CEP63: variants seen among roughly 807,000 people sequenced by gnomAD.
CEP63 encodes the protein centrosomal protein 63.
A neutral mutation model predicts 89.1 loss-of-function variants in CEP63; 84 were observed. The ratio of observed to expected loss-of-function variants is 0.94; its 90% CI spans 0.79 to 1.13. The LOEUF is 1.13. CEP63 is among the 50% of genes most tolerant of loss of function. The pLI is 0.00. For synonymous variants in CEP63, 267 were observed against 272.5 expected, an observed-to-expected ratio of 0.98 and a Z score of 0.20; for missense variants, 838 against 813.3, an observed-to-expected ratio of 1.03 and a Z score of -0.37.
the CEP63 span, among the ~76,000 whole-genome samples, chr3:134,728,670 TA>T: frequency 5.3e-5 from 8 of 152,164 alleles, no homozygotes; most frequent in African/African-American, 1.9e-4. Context: ...CTGCAGGTGT[TA>T]AAAACAGAAG....
At chr3:134,702,951 G>A in the CEP63 span, among the ~76,000 whole-genome samples, 1 of 152,102 alleles carries the variant, frequency 6.6e-6, no homozygotes, top group Non-Finnish European at 1.5e-5. Flanking sequence ...ATTTGACCCA[G>A]CAATCTCATT....
At chr3:134,640,950 G>C in the CEP63 span, among the ~76,000 whole-genome samples, 1 of 152,252 alleles carries the variant, frequency 6.6e-6, no homozygotes, top group East Asian at 1.9e-4. Flanking sequence ...ACTCAGATTA[G>C]AAGCCTCCCA....
chr3:134,546,327 A>C lies in CEP63; in HGVS notation c.929+39A>C, dbSNP rs774992680. 2 of 1,560,222 alleles carry C rather than the reference A, an allele frequency of 1.3e-6. 1 individual carries two copies. Among genetic ancestry groups the C allele is most frequent in the South Asian group, 2.2e-5 (2 of 89,398 alleles). On this transcript the variant is annotated intron_variant, in intron 8 of 14. Coordinates refer to ENST00000675561, the MANE Select transcript of CEP63 (RefSeq NM_001353108.3). ...TAAATATTATTCATCTTAGCCACTTAATGACTAGGTATTAAGCACTAGGCT... is the reference window on the plus strand; with the variant it reads ...TAAATATTATTCATCTTAGCCACTTCATGACTAGGTATTAAGCACTAGGCT...
the CEP63 span, among the ~76,000 whole-genome samples, chr3:134,686,455 G>A: frequency 1.3e-4 from 20 of 152,224 alleles, no homozygotes; most frequent in Non-Finnish European, 2.4e-4. Context: ...GCAGGCTGAG[G>A]TACTGGCCAA....
chr3:134,510,740 G>C lies in CEP63; in HGVS notation c.222+3454G>C, dbSNP rs1007492731. The C allele has an allele frequency of 8.8e-6, 4 of 455,886 alleles. No homozygotes were observed. In the East Asian group the frequency reaches 2.3e-4, roughly 26 times the overall value. 28.2% of individuals were successfully genotyped at this position (455,886 alleles called of 1,614,324 possible). A position where few individuals can be genotyped will look rare whatever the true frequency, so the allele number is the denominator to read the frequency against. On this transcript the variant is annotated intron_variant, in intron 3 of 14. Transcript: ENST00000675561. ...GTATCTGCAGGGAGACTTCTCCCAT[G>C]GTCTTCTCTTGTGGAGATTCCTCTG...
the CEP63 span, among the ~76,000 whole-genome samples, chr3:134,594,207 C>G: frequency 6.6e-6 from 1 of 152,324 alleles, no homozygotes; most frequent in African/African-American, 2.4e-5. Context: ...CCATCCTTTA[C>G]CCAGATGGGA....
At chr3:134,660,017 G>C in the CEP63 span, among the ~76,000 whole-genome samples, 1 of 152,248 alleles carries the variant, frequency 6.6e-6, no homozygotes, top group Non-Finnish European at 1.5e-5. Context: ...CTAATAAGCC[G>C]CGGTCCTTAT....
intron 12 of CEP63, among the ~76,000 whole-genome samples, chr3:134,554,636 C>G (rs1316886136): frequency 9.9e-5 from 15 of 151,656 alleles, no homozygotes; most frequent in African/African-American, 3.6e-4. Context: ...ATTTCTAGTT[C>G]TAGATCCCTG....
At chr3:134,620,822 A>G in the CEP63 span, 2 of 1,613,026 alleles carry the variant, frequency 1.2e-6, no homozygotes, top group African/African-American at 2.7e-5. Context: ...GGAGCAGGTC[A>G]CTCACCAGTT....
At chr3:134,543,780 T>C (rs1027967321) in intron 6 of CEP63, among the ~76,000 whole-genome samples, 12 of 152,222 alleles carry the variant, frequency 7.9e-5, no homozygotes, top group African/African-American at 2.4e-4. Flanking sequence ...AACCCTTTTC[T>C]CCTTCTCACC....
At chr3:134,603,624 G>A in the CEP63 span, 2 of 1,604,338 alleles carry the variant, frequency 1.2e-6, no homozygotes, top group African/African-American at 1.3e-5. Context: ...AGTAGAAATT[G>A]TGGTTGGCAT....
At chr3:134,715,518 T>TAA in the CEP63 span, among the ~76,000 whole-genome samples, 1 of 91,408 alleles carries the variant, frequency 1.1e-5, no homozygotes, top group Non-Finnish European at 2.1e-5. Context: ...AGGAAAGGTT[T>TAA]TTTTTTTTTG....
At chr3:134,503,154 C>G (rs1942505860) in intron 2 of CEP63, among the ~76,000 whole-genome samples, 1 of 118,278 alleles carries the variant, frequency 8.5e-6, no homozygotes, top group Non-Finnish European at 1.6e-5. Flanking sequence ...GCATCTATTG[C>G]TATAAACACT....
chr3:134,555,864 C>T (rs1488555049), intron 12 of CEP63, among the ~76,000 whole-genome samples: 1 of 152,032 alleles, frequency 6.6e-6, no homozygotes, highest in African/African-American at 2.4e-5. Flanking sequence ...CCCTACTTGA[C>T]TTCAAACTAT....
the CEP63 span, among the ~76,000 whole-genome samples, chr3:134,645,399 C>A: frequency 6.6e-6 from 1 of 152,242 alleles, no homozygotes; most frequent in Middle Eastern, 3.2e-3. Context: ...GTGCACTCCA[C>A]CAGCACATGC....
chr3:134,639,570 ACTACT>A, the CEP63 span, among the ~76,000 whole-genome samples: 1 of 152,112 alleles, frequency 6.6e-6, no homozygotes, highest in Non-Finnish European at 1.5e-5. Flanking sequence ...ATCAAAGAAG[ACTACT>A]CTACAAAGTG....
chr3:134,622,222 A>G, the CEP63 span, among the ~76,000 whole-genome samples: 1 of 152,230 alleles, frequency 6.6e-6, no homozygotes, highest in African/African-American at 2.4e-5. Flanking sequence ...TACGCAACCA[A>G]AAAAACCGAA....
the CEP63 span, among the ~76,000 whole-genome samples, chr3:134,649,239 GT>G: frequency 6.6e-6 from 1 of 152,258 alleles, no homozygotes; most frequent in Non-Finnish European, 1.5e-5. Context: ...TTTTTTCTCT[GT>G]CATAGTCACT....
chr3:134,734,837 C>T, the CEP63 span, among the ~76,000 whole-genome samples: 3 of 152,150 alleles, frequency 2.0e-5, no homozygotes, highest in Non-Finnish European at 4.4e-5. Flanking sequence ...TCAACTAAAA[C>T]TCCATTTGTA....
Sources: gnomAD v4.1 joint callset for allele counts (sites outside exome capture counted in the v4.1 genomes callset) on GRCh38, gnomAD v4.1.1 for gene constraint, MANE v1.5 for transcripts, NCBI Gene and HGNC (gene_info 2026-07-23, HGNC 2026-07-21) for gene names.